The following PRELID2 variants were observed in gnomAD, a reference collection of about 807,000 sequenced individuals.
PRELID2 encodes the protein PRELI domain containing 2.
Under a neutral mutation model 28.4 loss-of-function variants are expected in PRELID2, and 25 were observed. The observed-to-expected ratio is 0.88, with a 90% CI of 0.64 to 1.23. The LOEUF is 1.23. Ranked by LOEUF, PRELID2 falls within the 50% of genes most tolerant of loss-of-function variation. PRELID2 has a pLI of 0.00. For synonymous variants in PRELID2, 76 were observed against 71.6 expected, an observed-to-expected ratio of 1.06 and a Z score of -0.31; for missense variants, 201 against 214.4, an observed-to-expected ratio of 0.94 and a Z score of 0.39.
the PRELID2 span, among the ~76,000 whole-genome samples, chr5:145,334,564 T>C: frequency 6.6e-6 from 1 of 152,204 alleles, no homozygotes; most frequent in Non-Finnish European, 1.5e-5. Flanking sequence ...TATGACTATA[T>C]ACTTGTATCA....
chr5:145,611,809 G>A (rs527829199), intron 1 of PRELID2, among the ~76,000 whole-genome samples: 26 of 152,162 alleles, frequency 1.7e-4, no homozygotes, highest in Admixed American at 3.3e-4. Flanking sequence ...ATCCTAACAC[G>A]TGTATGAAAT....
chr5:145,825,246 A>AC (rs1755106759), intron 1 of PRELID2, among the ~76,000 whole-genome samples: 1 of 138,664 alleles, frequency 7.2e-6, no homozygotes. Context: ...AAAAAAAAAA[A>AC]AAAAAAAAAA....
the PRELID2 span, among the ~76,000 whole-genome samples, chr5:145,404,106 T>G: frequency 6.6e-6 from 1 of 152,224 alleles, no homozygotes; most frequent in Admixed American, 6.5e-5. Flanking sequence ...CTATGATCTC[T>G]GAAGGCTGGC....
chr5:145,268,192 T>A, the PRELID2 span, among the ~76,000 whole-genome samples: 2 of 152,122 alleles, frequency 1.3e-5, no homozygotes, highest in African/African-American at 2.4e-5. Context: ...ACTTGTAGAG[T>A]ATTACTCAAG....
At chr5:145,536,721 G>A (rs1752702335) in intron 1 of PRELID2, among the ~76,000 whole-genome samples, 1 of 151,778 alleles carries the variant, frequency 6.6e-6, no homozygotes, top group South Asian at 2.1e-4. Context: ...ATGAAATATT[G>A]GTTTTAAGGC....
At chr5:145,718,764 G>C (rs1755907983) in intron 1 of PRELID2, among the ~76,000 whole-genome samples, 1 of 151,844 alleles carries the variant, frequency 6.6e-6, no homozygotes, top group Non-Finnish European at 1.5e-5. Context: ...ATTAAGAAAA[G>C]ATTTGATTGT....
At chr5:145,503,667 TC>T (rs1389726884) in intron 1 of PRELID2, among the ~76,000 whole-genome samples, 3 of 152,168 alleles carry the variant, frequency 2.0e-5, no homozygotes, top group Non-Finnish European at 4.4e-5. Flanking sequence ...GTGCATTGAA[TC>T]ATCATATTAA....
chr5:145,286,536 C>G, the PRELID2 span, among the ~76,000 whole-genome samples: 1 of 152,200 alleles, frequency 6.6e-6, no homozygotes, highest in East Asian at 1.9e-4. Context: ...GAAATTCAAA[C>G]TCAGATCATC....
intron 1 of PRELID2, among the ~76,000 whole-genome samples, chr5:145,491,020 A>T (rs577109575): frequency 6.6e-6 from 1 of 151,134 alleles, no homozygotes; most frequent in Non-Finnish European, 1.5e-5. Context: ...TGTATCTCCT[A>T]TATTTTGAAA....
At chr5:145,514,546 G>T (rs1041621407) in intron 1 of PRELID2, among the ~76,000 whole-genome samples, 1 of 152,042 alleles carries the variant, frequency 6.6e-6, no homozygotes, top group Non-Finnish European at 1.5e-5. Context: ...CACAATAATA[G>T]TGGGAGACTT....
At chr5:145,580,212 TG>T (rs1753095810) in intron 1 of PRELID2, among the ~76,000 whole-genome samples, 1 of 152,060 alleles carries the variant, frequency 6.6e-6, no homozygotes, top group Admixed American at 6.6e-5. Context: ...AATGTCACAA[TG>T]GGCTATAGAT....
At chr5:145,307,770 T>C in the PRELID2 span, among the ~76,000 whole-genome samples, 32 of 152,006 alleles carry the variant, frequency 2.1e-4, no homozygotes, top group African/African-American at 7.7e-4. Flanking sequence ...ACCTGAGCCA[T>C]AAAAGCAAGA....
At chr5:145,537,393 C>T (rs1317419339) in intron 1 of PRELID2, among the ~76,000 whole-genome samples, 2 of 151,838 alleles carry the variant, frequency 1.3e-5, no homozygotes, top group African/African-American at 4.8e-5. Flanking sequence ...TTTCGGGAAC[C>T]TCCACGATGT....
the PRELID2 span, among the ~76,000 whole-genome samples, chr5:145,431,467 A>G: frequency 6.6e-6 from 1 of 152,314 alleles, no homozygotes; most frequent in African/African-American, 2.4e-5. Flanking sequence ...CGAATTTCAA[A>G]GGGAAAAGTG....
At chr5:145,265,279 A>T in the PRELID2 span, among the ~76,000 whole-genome samples, 8 of 152,150 alleles carry the variant, frequency 5.3e-5, no homozygotes, top group Non-Finnish European at 1.2e-4. Flanking sequence ...AAAGACCTCT[A>T]CAAGGAAAAC....
the PRELID2 span, among the ~76,000 whole-genome samples, chr5:145,418,815 G>T: frequency 6.6e-6 from 1 of 151,378 alleles, no homozygotes; most frequent in East Asian, 1.9e-4. Context: ...TGCCATGCTG[G>T]TGCGCTGCAC....
At chr5:145,800,909 C>T (rs1215833464) in intron 4 of PRELID2, among the ~76,000 whole-genome samples, 1 of 152,026 alleles carries the variant, frequency 6.6e-6, no homozygotes, top group African/African-American at 2.4e-5. Flanking sequence ...CTGTGCAAAA[C>T]ACAGCAGTTT....
intron 1 of PRELID2, among the ~76,000 whole-genome samples, chr5:145,534,260 G>A (rs1752681287): frequency 6.6e-6 from 1 of 151,934 alleles, no homozygotes; most frequent in South Asian, 2.1e-4. Flanking sequence ...GTTCTACGGT[G>A]CACAAGTATC....
chr5:145,469,613 A>T (rs1443269119), downstream of PRELID2, among the ~76,000 whole-genome samples: 1 of 152,048 alleles, frequency 6.6e-6, no homozygotes, highest in Non-Finnish European at 1.5e-5. Context: ...AAAGGCAGCG[A>T]CACCGAACTG....
Sources: allele counts gnomAD v4.1 joint callset (sites outside exome capture counted in the v4.1 genomes callset), GRCh38; gene constraint gnomAD v4.1.1; transcripts MANE v1.5; gene names NCBI Gene and HGNC (gene_info 2026-07-23, HGNC 2026-07-21).